The following SIK3 variants were observed in gnomAD, a reference collection of about 807,000 sequenced individuals.
SIK3 encodes serine/threonine-protein kinase SIK3.
A neutral mutation model predicts 144.2 loss-of-function variants in SIK3; 28 were observed. That is an observed-to-expected ratio of 0.19 (90% CI 0.14 to 0.27). The LOEUF is 0.27. Ranked by LOEUF, SIK3 falls within the 10% of genes least tolerant of loss-of-function variation. SIK3 has a pLI of 1.00. For synonymous variants in SIK3, 686 were observed against 676.3 expected (o/e 1.01, Z -0.22); for missense variants, 1,319 against 1,776.0 (o/e 0.74, Z 4.62).
At chr11:116,925,278 G>A (rs1947214672) in intron 4 of SIK3, among the ~76,000 whole-genome samples, 1 of 152,138 alleles carries the variant, frequency 6.6e-6, no homozygotes, top group South Asian at 2.1e-4. Flanking sequence ...GGTGGGGGTG[G>A]GAGAGAGATG....
At chr11:117,053,205 C>T (rs1953343444) in intron 1 of SIK3, among the ~76,000 whole-genome samples, 1 of 151,916 alleles carries the variant, frequency 6.6e-6, no homozygotes, top group African/African-American at 2.4e-5. Flanking sequence ...GGCATAGTGG[C>T]ATACACCTAT....
At chr11:116,984,316 C>T (rs1208123485) in intron 1 of SIK3, among the ~76,000 whole-genome samples, 1 of 152,120 alleles carries the variant, frequency 6.6e-6, no homozygotes, top group East Asian at 1.9e-4. Flanking sequence ...CTGAACAAAC[C>T]ATTTATTGTT....
intron 4 of SIK3, among the ~76,000 whole-genome samples, chr11:116,916,632 T>C (rs1227222279): frequency 2.0e-5 from 3 of 151,548 alleles, no homozygotes; most frequent in Non-Finnish European, 4.4e-5. Context: ...TGCCTCAGCC[T>C]CCTGAGTAGC....
chr11:116,884,129 C>T (rs1944688982), intron 6 of SIK3, among the ~76,000 whole-genome samples: 1 of 152,076 alleles, frequency 6.6e-6, no homozygotes, highest in African/African-American at 2.4e-5. Context: ...TTATTCTATA[C>T]ATTAAATTTT....
At position 116,897,300 on chromosome 11, in the gene SIK3, G is replaced by A. The variant is rs955508155; in HGVS notation, c.634C>T (p.Leu212Phe). 6.2e-7 allele frequency: 1 copy of A among 1,613,576 alleles called. No individual in the cohort carries two copies. Among genetic ancestry groups the A allele is most frequent in the Non-Finnish European group, 8.5e-7 (1 of 1,179,788 alleles). ...TTCAGCAGCTGCCCAGGAGTGAAGAGGTTACTGAAACCAAAATCTAGAAAG... is the reference window on the plus strand; with the variant it reads ...TTCAGCAGCTGCCCAGGAGTGAAGAAGTTACTGAAACCAAAATCTAGAAAG... ...IKIADFGFSN[L>F]FTPGQLLKTW... is the part of the protein sequence containing the mutation. Residue 212 changes from leucine (L) to phenylalanine (F), a missense_variant, in exon 5 of 25, where the codon CTC becomes TTC. Leu to Phe is a conservative substitution (Grantham distance 22, BLOSUM62 0). Around this residue, in one of 8 missense-constraint regions of SIK3, gnomAD observed 125 missense variants for 285.2 expected, o/e 0.44. Coordinates refer to ENST00000445177, the MANE Select transcript of SIK3 (RefSeq NM_001366686.3).
chr11:117,057,727 T>C (rs1031161733), intron 1 of SIK3, among the ~76,000 whole-genome samples: 1 of 152,236 alleles, frequency 6.6e-6, no homozygotes, highest in African/African-American at 2.4e-5. Context: ...CCAACTCTGC[T>C]ACCAAATGGC....
At chr11:117,051,450 T>TTA (rs770410384) in intron 1 of SIK3, among the ~76,000 whole-genome samples, 1 of 152,212 alleles carries the variant, frequency 6.6e-6, no homozygotes, top group East Asian at 1.9e-4. Context: ...TATGTATCTA[T>TTA]TATATATATA....
intron 3 of SIK3, among the ~76,000 whole-genome samples, chr11:116,934,850 T>C (rs938534163): frequency 6.6e-5 from 10 of 151,944 alleles, no homozygotes; most frequent in African/African-American, 2.2e-4. Context: ...GAGGCAGAGG[T>C]AGGTGGATTA....
Position 116,859,509 on chromosome 11 carries a change from G to T in SIK3, c.2521C>A (p.Leu841Ile). The T allele has an allele frequency of 6.2e-7, 1 of 1,614,218 alleles. No homozygotes were observed. ...GGCTGCTGCATACCCAAGCAGGTTAGTGCCACGTTGGGAGGAGAGGAACAG... is the reference window on the plus strand; with the variant it reads ...GGCTGCTGCATACCCAAGCAGGTTATTGCCACGTTGGGAGGAGAGGAACAG... ...ENCSSPPNVA[L>I]TCLGMQQPAQ... Residue 841 changes from leucine to isoleucine, a missense_variant, in exon 20 of 25, where the codon CTA becomes ATA. Physicochemically the swap from Leu to Ile is conservative, Grantham distance 5. Around this residue, in one of 8 missense-constraint regions of SIK3, gnomAD observed 646 missense variants for 763.7 expected, o/e 0.85. Transcript: ENST00000445177.
At chr11:116,912,590 A>G (rs1416678084) in intron 4 of SIK3, among the ~76,000 whole-genome samples, 1 of 152,204 alleles carries the variant, frequency 6.6e-6, no homozygotes, top group African/African-American at 2.4e-5. Flanking sequence ...CTGCTTTCCA[A>G]GGGTAACTTG....
At chr11:116,957,097 CATT>C (rs1330247353) in intron 1 of SIK3, 33 bp from the exon 2 acceptor site, 2 of 1,283,064 alleles carry the variant, frequency 1.6e-6, no homozygotes, top group Admixed American at 2.3e-5. Context: ...TACTCTGATG[CATT>C]ATTAAAAGCA....
chr11:116,915,188 C>T (rs1320835348), intron 4 of SIK3, among the ~76,000 whole-genome samples: 9 of 125,710 alleles, frequency 7.2e-5, no homozygotes, highest in African/African-American at 2.5e-4. Context: ...TTTGATGGGG[C>T]GGGGGGGCAG....
chr11:116,876,596 C>T lies in SIK3; in HGVS notation c.985-233G>A, dbSNP rs77682889. ...CCATAGTGGTTTAAATAAAAGCATG[C>T]TACAGAAGCCACTGAATTGAGCACA... On this transcript the variant is annotated intron_variant, in intron 7 of 24. Coordinates refer to ENST00000445177, the MANE Select transcript of SIK3 (RefSeq NM_001366686.3). Among the ~76,000 whole-genome samples, 157 of 152,264 alleles carry T rather than the reference C, an allele frequency of 1.0e-3. 3 individuals carry two copies. The East Asian group carries it at 0.026, about 25-fold the overall frequency.
chr11:116,990,113 C>A (rs1276516522), intron 1 of SIK3, among the ~76,000 whole-genome samples: 2 of 152,216 alleles, frequency 1.3e-5, no homozygotes, highest in South Asian at 4.1e-4. Context: ...TCAGCGGGGT[C>A]GTCATATAAA....
At chr11:117,012,889 T>G (rs137962288) in intron 1 of SIK3, among the ~76,000 whole-genome samples, 2 of 144,228 alleles carry the variant, frequency 1.4e-5, no homozygotes, top group Non-Finnish European at 3.0e-5. Flanking sequence ...TCTCGCTCTG[T>G]TGCCCAGGCT....
At chr11:116,886,364 T>C (rs1944819081) in intron 6 of SIK3, among the ~76,000 whole-genome samples, 1 of 152,222 alleles carries the variant, frequency 6.6e-6, no homozygotes, top group African/African-American at 2.4e-5. Context: ...CCTTGCCCCA[T>C]TGGTTCTAAA....
At chr11:117,056,065 T>C (rs1953502963) in intron 1 of SIK3, among the ~76,000 whole-genome samples, 1 of 152,202 alleles carries the variant, frequency 6.6e-6, no homozygotes, top group African/African-American at 2.4e-5. Flanking sequence ...GAGGATGTGC[T>C]ACAGGATGAG....
chr11:116,893,599 G>A (rs983305082), intron 6 of SIK3, among the ~76,000 whole-genome samples: 11 of 152,038 alleles, frequency 7.2e-5, no homozygotes, highest in Non-Finnish European at 1.6e-4. Context: ...TTGAGCCTGG[G>A]AGGTCCAGCT....
intron 1 of SIK3, among the ~76,000 whole-genome samples, chr11:116,959,533 G>A (rs1395262164): frequency 6.6e-6 from 1 of 152,174 alleles, no homozygotes; most frequent in African/African-American, 2.4e-5. Context: ...TTGATGGCAT[G>A]TACAATGTAA....
Sources: allele counts gnomAD v4.1 joint callset (sites outside exome capture counted in the v4.1 genomes callset), GRCh38; gene constraint gnomAD v4.1.1; regional missense constraint gnomAD v4.1.1; transcripts MANE v1.5; gene names NCBI Gene and HGNC (gene_info 2026-07-23, HGNC 2026-07-21).